Variants in MROH7 observed in about 807,000 individuals in gnomAD.
MROH7 encodes the protein maestro heat like repeat family member 7.
Under a neutral mutation model 129.2 loss-of-function variants are expected in MROH7, and 113 were observed. That is an observed-to-expected ratio of 0.87 (90% confidence interval 0.75 to 1.02). MROH7 has a LOEUF of 1.02. MROH7 is among the 50% of genes least tolerant of loss of function. MROH7 has a pLI of 0.00. For synonymous variants in MROH7, 655 were observed against 667.9 expected, an observed-to-expected ratio of 0.98 and a Z score of 0.30; for missense variants, 1,601 against 1,671.3, an observed-to-expected ratio of 0.96 and a Z score of 0.73.
chr1:54,647,908 A>AAC (rs1315247635), intron 1 of MROH7, among the ~76,000 whole-genome samples: 3 of 78,156 alleles, frequency 3.8e-5, no homozygotes, highest in African/African-American at 1.4e-4. Context: ...CCATCTCAAA[A>AAC]AAAAAAAAAA....
intron 3 of MROH7, among the ~76,000 whole-genome samples, chr1:54,655,345 A>G (rs1052657517): frequency 1.3e-5 from 2 of 151,814 alleles, no homozygotes; most frequent in Non-Finnish European, 2.9e-5. Flanking sequence ...CTGAAAATCA[A>G]CTTAGCTATT....
At chr1:54,669,798 G>C (rs1237633025) in intron 5 of MROH7, among the ~76,000 whole-genome samples, 1 of 152,010 alleles carries the variant, frequency 6.6e-6, no homozygotes, top group Non-Finnish European at 1.5e-5. Flanking sequence ...TCAGGAGTTC[G>C]AGACAAGCCT....
At chr1:54,656,754 T>G (rs1438042479) in intron 3 of MROH7, among the ~76,000 whole-genome samples, 1 of 152,026 alleles carries the variant, frequency 6.6e-6, no homozygotes, top group Non-Finnish European at 1.5e-5. Flanking sequence ...GAGGTTGCAG[T>G]AAGCCAAGAT....
intron 15 of MROH7, among the ~76,000 whole-genome samples, chr1:54,686,766 T>C (rs12565429): frequency 0.17 from 25,287 of 152,048 alleles, 2,283 homozygotes; most frequent in East Asian, 0.28. Context: ...AAGGCCCAAA[T>C]ACTTTATTTT....
At chr1:54,699,138 CT>C (rs796670473) in intron 17 of MROH7, 1 of 97,640 alleles carries the variant, frequency 1.0e-5, no homozygotes, top group African/African-American at 4.1e-5. Context: ...TTCTTTCTTT[CT>C]TTCTTTCTTT....
At chr1:54,694,499 C>T (rs1010612911) in intron 16 of MROH7, among the ~76,000 whole-genome samples, 4 of 152,182 alleles carry the variant, frequency 2.6e-5, no homozygotes, top group Admixed American at 2.6e-4. Context: ...TGGAGTCTCA[C>T]TCTGTTGCCC....
At chr1:54,674,265 A>G (rs963942859) in intron 10 of MROH7, 114 bp downstream of exon 10, 2 of 1,236,686 alleles carry the variant, frequency 1.6e-6, no homozygotes, top group Non-Finnish European at 2.2e-6. Context: ...AGATGGGGGA[A>G]ACCAGCACAG....
rs1166937509 is a variant in MROH7, at chr1:54,702,193, C to T, written c.3389C>T (p.Thr1130Ile). ...GCCATGGAGGAGCAGCTGGTCAGCA[C>T]CTTGGTGCCCCTACTGCTGACCATG... ...TQAMEEQLVSTLVPLLLTMQE... is the reference protein window; with the variant it reads ...TQAMEEQLVSILVPLLLTMQE... Residue 1130 changes from threonine (T) to isoleucine (I), a missense_variant, in exon 20 of 24, where the codon ACC (threonine) becomes ATC (isoleucine). Transcript: ENST00000421030. 2 of 1,597,572 alleles carry T rather than the reference C, an allele frequency of 1.3e-6. No individual in the cohort carries two copies. Among genetic ancestry groups the T allele is most frequent in the Middle Eastern group, 1.8e-4 (1 of 5,440 alleles).
chr1:54,654,298 A>C, intron 3 of MROH7, 141 bp downstream of exon 3: 1 of 866,606 alleles, frequency 1.2e-6, no homozygotes, highest in Non-Finnish European at 1.7e-6. Context: ...TATACTAGAC[A>C]TCTAATAATC....
chr1:54,701,903 AGAG>A, intron 19 of MROH7, among the ~76,000 whole-genome samples, 184 bp from the exon 20 acceptor site: 1 of 151,728 alleles, frequency 6.6e-6, no homozygotes, highest in East Asian at 1.9e-4. Flanking sequence ...TGCTCCTAGC[AGAG>A]GAGGAGAGGG....
intron 1 of MROH7, among the ~76,000 whole-genome samples, chr1:54,646,217 C>A (rs975929059): frequency 1.3e-5 from 2 of 152,178 alleles, no homozygotes; most frequent in African/African-American, 4.8e-5. Context: ...GCCCAGAGAT[C>A]CAGGGTTCTG....
intron 4 of MROH7, among the ~76,000 whole-genome samples, chr1:54,667,811 G>C (rs772643720): frequency 7.9e-5 from 12 of 152,144 alleles, no homozygotes; most frequent in Middle Eastern, 3.4e-3. Flanking sequence ...TGGCCCAGTA[G>C]TCCTATGTAG....
rs1474730511 is a variant in MROH7, at chr1:54,702,306, TTTTACGTTA to T, written c.3441+62_3441+70del. On this transcript the variant is annotated intron_variant, in intron 20 of 23. Coordinates refer to ENST00000421030, the MANE Select transcript of MROH7 (RefSeq NM_001039464.4). ...CCTCGGGTCCTGTGGGCGCACCTCT[TTTTACGTTA>T]ACCAAGCCAGAGTCTCAAACAATCC... 2.3e-5 allele frequency: 31 copies of T among 1,331,632 alleles called. No homozygotes were observed. In the East Asian group the frequency reaches 7.2e-4, roughly 31 times the overall value. The allele number at this position is 1,331,632 out of a possible 1,614,324, so 82.5% of individuals were successfully genotyped here.
intron 17 of MROH7, among the ~76,000 whole-genome samples, chr1:54,696,390 A>C (rs536967827): frequency 2.6e-5 from 4 of 152,316 alleles, no homozygotes; most frequent in Non-Finnish European, 5.9e-5. Flanking sequence ...ATACATTCAT[A>C]TTGTTATGCA....
In MROH7 at chr1:54,702,756, C is replaced by G; in HGVS notation, c.3564+11C>G. 1.9e-6 allele frequency: 3 copies of G among 1,609,646 alleles called. No homozygotes were observed. Among genetic ancestry groups the G allele is most frequent in the Non-Finnish European group, 2.5e-6 (3 of 1,178,056 alleles). ...ATTTGCAAGTGCCTTGTGAGTGCTCCCAGAGAGTAGAGTGGTTCCTTACAA... is the reference window on the plus strand; with the variant it reads ...ATTTGCAAGTGCCTTGTGAGTGCTCGCAGAGAGTAGAGTGGTTCCTTACAA... On this transcript the variant is annotated intron_variant, in intron 21 of 23. Transcript: ENST00000421030.
rs1402529777 is a variant in MROH7, at chr1:54,679,371, A to G, written c.2158A>G (p.Met720Val). ...TCCAGGGAAGGACTCCAGGGAGATG[A>G]TGCAGCTGGCCTCGGAGGTCATGCT... The part of the protein sequence containing the change: ...EAPGKDSREM[M>V]QLASEVMLSS... Residue 720 changes from methionine (M) to valine (V), a missense_variant, in exon 12 of 24, where the codon ATG (methionine) becomes GTG (valine). Transcript: ENST00000421030. The G allele has an allele frequency of 6.2e-6, 10 of 1,614,120 alleles. No individual in the cohort carries two copies. Among genetic ancestry groups the G allele is most frequent in the Admixed American group, 1.7e-5 (1 of 60,028 alleles).
At chr1:54,685,332 C>T (rs1344162158) in intron 14 of MROH7, among the ~76,000 whole-genome samples, 2 of 152,188 alleles carry the variant, frequency 1.3e-5, no homozygotes, top group Non-Finnish European at 2.9e-5. Flanking sequence ...GCATGGAGTC[C>T]TAATGGCACA....
At position 54,696,698 on chromosome 1, in the gene MROH7, G is replaced by A. The variant is rs868322649; in HGVS notation, c.2964+1208G>A. On this transcript the variant is annotated intron_variant, in intron 17 of 23. Transcript: ENST00000421030. ...TTTTTTTTTTTTTTTTTGAGATGGA[G>A]TCTTTCTCTGTTGCCCAGGTTGGAG... Among the ~76,000 whole-genome samples, 35 of 93,212 alleles carry A rather than the reference G, an allele frequency of 3.8e-4. 2 individuals are homozygous for A. The highest frequency in any genetic ancestry group is 1.4e-3 in the African/African-American group (32 of 22,344). 61.2% of individuals were successfully genotyped at this position (93,212 alleles called of 152,430 possible). A position where few individuals can be genotyped will look rare whatever the true frequency, so the allele number is the denominator to read the frequency against.
intron 22 of MROH7, among the ~76,000 whole-genome samples, chr1:54,707,719 G>C (rs961545252): frequency 6.6e-6 from 1 of 152,190 alleles, no homozygotes; most frequent in Admixed American, 6.5e-5. Flanking sequence ...AACATAGTGA[G>C]TAGAGCCTTG....
Sources: gnomAD v4.1 joint callset for allele counts (sites outside exome capture counted in the v4.1 genomes callset) on GRCh38, gnomAD v4.1.1 for gene constraint, MANE v1.5 for transcripts, NCBI Gene and HGNC (gene_info 2026-07-23, HGNC 2026-07-21) for gene names.